The following ZNF423 variants were observed in gnomAD, a reference collection of about 807,000 sequenced individuals.
ZNF423 encodes zinc finger protein 423.
ZNF423 carries 12 observed loss-of-function variants against 95.8 expected under a neutral mutation model. The observed-to-expected ratio is 0.13, with a 90% CI of 0.08 to 0.20. The LOEUF (loss-of-function observed/expected upper bound fraction) is 0.20, where lower values mean the gene tolerates loss of function less well. ZNF423 is among the 10% of genes least tolerant of loss of function. ZNF423 has a pLI of 1.00. For missense variants in ZNF423, 1,316 were observed against 1,737.1 expected, an observed-to-expected ratio of 0.76 and a Z score of 4.31; for synonymous variants, 749 against 711.9, an observed-to-expected ratio of 1.05 and a Z score of -0.83.
At chr16:49,513,057 C>T (rs1967963500) in intron 7 of ZNF423, among the ~76,000 whole-genome samples, 1 of 152,210 alleles carries the variant, frequency 6.6e-6, no homozygotes, top group Non-Finnish European at 1.5e-5. Context: ...GATCGTGTTA[C>T]TGCACACTCC....
chr16:49,770,408 G>A (rs1000586863), intron 2 of ZNF423, among the ~76,000 whole-genome samples: 2 of 152,176 alleles, frequency 1.3e-5, no homozygotes, highest in Non-Finnish European at 2.9e-5. Flanking sequence ...TGTATAGTGT[G>A]AGCCTGGTGC....
At chr16:49,569,353 T>G (rs1403229702) in intron 5 of ZNF423, among the ~76,000 whole-genome samples, 1 of 152,214 alleles carries the variant, frequency 6.6e-6, no homozygotes, top group African/African-American at 2.4e-5. Context: ...GATAATCCAC[T>G]GAGACTGCAG....
At chr16:49,602,977 C>T (rs545105838) in intron 5 of ZNF423, among the ~76,000 whole-genome samples, 5 of 152,356 alleles carry the variant, frequency 3.3e-5, no homozygotes, top group Admixed American at 6.5e-5. Flanking sequence ...TCCCCAGCAG[C>T]GCCCGCGTGG....
chr16:49,595,092 G>A (rs549687884), intron 5 of ZNF423, among the ~76,000 whole-genome samples: 2 of 152,294 alleles, frequency 1.3e-5, no homozygotes, highest in East Asian at 1.9e-4. Flanking sequence ...CCAACAGCAC[G>A]ATCTGCGTCA....
intron 5 of ZNF423, among the ~76,000 whole-genome samples, chr16:49,558,225 C>T (rs1362494583): frequency 1.3e-5 from 2 of 152,318 alleles, no homozygotes; most frequent in South Asian, 4.1e-4. Flanking sequence ...GCAGATTTCA[C>T]AGGTGCACTG....
At chr16:49,589,371 T>G (rs1027960097) in intron 5 of ZNF423, among the ~76,000 whole-genome samples, 2 of 152,234 alleles carry the variant, frequency 1.3e-5, no homozygotes, top group Non-Finnish European at 2.9e-5. Context: ...CGCTCTACTC[T>G]GGGCGAAGAA....
chr16:49,525,643 C>T (rs1968573393), intron 5 of ZNF423, 149 bp from the exon 6 acceptor site: 5 of 1,154,560 alleles, frequency 4.3e-6, no homozygotes, highest in African/African-American at 1.5e-5. Flanking sequence ...CAAGACTCAT[C>T]CTGGCTCCAC....
Position 49,770,262 on chromosome 16 carries a change from C to T in ZNF423, c.100+19225G>A, listed in dbSNP as rs552521964. 2.0e-4 allele frequency among the ~76,000 whole-genome samples: 30 copies of T among 152,280 alleles called. 1 individual carries two copies. In the East Asian group the frequency reaches 3.9e-3, roughly 20 times the overall value. On this transcript the variant is annotated intron_variant, in intron 2 of 7. Transcript: ENST00000563137. The stretch of plus-strand genomic sequence containing the variant: ...TCCTGCCAGTGGTGCAGGCTCATAA[C>T]CATCACAGCCCTTCAAAGAGAGGTC...
intron 3 of ZNF423, among the ~76,000 whole-genome samples, chr16:49,660,226 T>C (rs1045619729): frequency 2.6e-5 from 4 of 152,032 alleles, no homozygotes; most frequent in Non-Finnish European, 5.9e-5. Flanking sequence ...AATGAATGGA[T>C]GAAAGGGTAC....
intron 2 of ZNF423, among the ~76,000 whole-genome samples, chr16:49,738,552 G>T (rs145389066): frequency 6.6e-6 from 1 of 152,282 alleles, no homozygotes; most frequent in African/African-American, 2.4e-5. Flanking sequence ...CTATGAGACA[G>T]GCACACAGCT....
At position 49,855,956 on chromosome 16, in the gene ZNF423, C is replaced by A. The variant is rs1005012661; in HGVS notation, c.-182G>T. On this transcript the variant is annotated 5_prime_UTR_variant, in exon 1 of 8. Transcript: ENST00000563137. This position sits in a 1 kb window ranked among gnomAD's most constrained non-coding sequence, Gnocchi z 4.7. Reference sequence around the variant, plus strand: ...TCCGGGGCGGCCTCCCTTGGGGGGGCAGCCCGGGCCGGCCGAGGCCGCTCG... The same window carrying A: ...TCCGGGGCGGCCTCCCTTGGGGGGGAAGCCCGGGCCGGCCGAGGCCGCTCG... 2 of 150,762 alleles carry A rather than the reference C, an allele frequency of 1.3e-5. No homozygotes were observed. Among genetic ancestry groups the A allele is most frequent in the African/African-American group, 4.9e-5 (2 of 41,140 alleles). The allele number at this position is 150,762 out of a possible 1,614,324, so 9.3% of individuals were successfully genotyped here.
chr16:49,803,395 G>A (rs111272189), intron 1 of ZNF423, among the ~76,000 whole-genome samples: 4 of 152,264 alleles, frequency 2.6e-5, no homozygotes, highest in African/African-American at 9.6e-5. Context: ...CCTCCTGTAA[G>A]AGAATCCACG....
intron 5 of ZNF423, among the ~76,000 whole-genome samples, chr16:49,573,299 A>C (rs1970406756): frequency 6.6e-6 from 1 of 152,178 alleles, no homozygotes; most frequent in Non-Finnish European, 1.5e-5. Flanking sequence ...CTGGGTTTAT[A>C]AACCATGGGG....
At chr16:49,800,110 G>A (rs2034559438) in intron 1 of ZNF423, among the ~76,000 whole-genome samples, 2 of 152,278 alleles carry the variant, frequency 1.3e-5, no homozygotes, top group Middle Eastern at 3.4e-3. Flanking sequence ...TGGGCATATG[G>A]ATGCACACTT....
chr16:49,517,373 C>A (rs2151693830), intron 7 of ZNF423, among the ~76,000 whole-genome samples: 1 of 152,298 alleles, frequency 6.6e-6, no homozygotes, highest in Non-Finnish European at 1.5e-5. Flanking sequence ...CCTCCAGGAC[C>A]CAGAGTTCTT....
At chr16:49,558,450 C>A (rs1359920901) in intron 5 of ZNF423, among the ~76,000 whole-genome samples, 1 of 152,240 alleles carries the variant, frequency 6.6e-6, no homozygotes, top group South Asian at 2.1e-4. Context: ...CCCTGGGTCA[C>A]TTCCCAACTT....
intron 3 of ZNF423, among the ~76,000 whole-genome samples, chr16:49,669,647 C>A (rs11647448): frequency 1 from 152,116 of 152,168 alleles, 76,032 homozygotes; most frequent in Non-Finnish European, 1. Context: ...CCAAAACTTC[C>A]CTCTCTTACC....
In ZNF423 at chr16:49,855,027, C is replaced by A; in HGVS notation, c.40+708G>T. ...TGAGCTCCCCTGAGGACCTGCGTCC[C>A]GCCGGCGCCGTGCAGACAATGAACT... On this transcript the variant is annotated intron_variant, in intron 1 of 7. Transcript: ENST00000563137. This position sits in a 1 kb window ranked among gnomAD's most constrained non-coding sequence, Gnocchi z 4.7. 6 of 984,852 alleles carry A rather than the reference C, an allele frequency of 6.1e-6. No homozygotes were observed. The highest frequency in any genetic ancestry group is 7.2e-6 in the Non-Finnish European group (6 of 829,686). The allele number at this position is 984,852 out of a possible 1,614,324, so 61.0% of individuals were successfully genotyped here.
Position 49,771,179 on chromosome 16 carries a change from CTTTTTTTTTTTTCTTTTTT to C in ZNF423, c.100+18289_100+18307del, listed in dbSNP as rs769347451. ...CCCACCCAAATCTCATCTTGAATTT[CTTTTTTTTTTTTCTTTTTT>C]TTTTTTTTTTTTTTGAGAAGGAGTC... is the stretch of plus-strand genomic sequence containing the variant. On this transcript the variant is annotated intron_variant, in intron 2 of 7. Transcript: ENST00000563137. Among the ~76,000 whole-genome samples, 67 of 121,246 alleles carry C rather than the reference CTTTTTTTTTTTTCTTTTTT, an allele frequency of 5.5e-4. No homozygotes were observed. The East Asian group carries it at 0.015, about 26-fold the overall frequency. The allele number at this position is 121,246 out of a possible 152,430, so 79.5% of individuals were successfully genotyped here.
Sources: allele counts gnomAD v4.1 joint callset (sites outside exome capture counted in the v4.1 genomes callset), GRCh38; gene constraint gnomAD v4.1.1; non-coding constraint Gnocchi (gnomAD v3.1); transcripts MANE v1.5; gene names NCBI Gene and HGNC (gene_info 2026-07-23, HGNC 2026-07-21).